Variants in AP1G2 observed in about 807,000 individuals in gnomAD.
AP1G2 encodes AP-1 complex subunit gamma-like 2.
Under a neutral mutation model 95.8 loss-of-function variants are expected in AP1G2, and 85 were observed. That is an observed-to-expected ratio of 0.89 (90% CI 0.74 to 1.06). The LOEUF (loss-of-function observed/expected upper bound fraction) is 1.06. Among genes scored for constraint, AP1G2 ranks in the 50% least tolerant of loss-of-function variants. The pLI is 0.00. For synonymous variants in AP1G2, 378 were observed against 400.0 expected, an observed-to-expected ratio of 0.94 and a Z score of 0.66; for missense variants, 967 against 1,005.8, an observed-to-expected ratio of 0.96 and a Z score of 0.52.
rs1386153572 is a variant in AP1G2 at position 23,567,205 on chromosome 14, G to A, written c.110C>T (p.Ala37Val). 6.2e-7 allele frequency: 1 copy of A among 1,612,694 alleles called. No homozygotes were observed. The highest frequency in any genetic ancestry group is 8.5e-7 in the Non-Finnish European group (1 of 1,179,356). The stretch of plus-strand genomic sequence containing the variant: ...CACTGGGTCCCCGTCGCGGAAGGAG[G>A]CCCGGATGTGGGCACACTCCTTTTG... Reference protein sequence around the residue: ...VIQKECAHIRASFRDGDPVHR... With the variant: ...VIQKECAHIRVSFRDGDPVHR... Residue 37 changes from alanine (A) to valine (V), a missense_variant, in exon 2 of 22, where the codon GCC (alanine) becomes GTC (valine). Transcript: ENST00000397120. The surrounding 1 kb of genome is among the most constrained non-coding windows in gnomAD (Gnocchi z 5.3).
At chr14:23,563,185 A>G (rs1241143900) in intron 14 of AP1G2, 195 bp downstream of exon 14, 5 of 1,434,762 alleles carry the variant, frequency 3.5e-6, no homozygotes, top group Non-Finnish European at 4.6e-6. Context: ...CTGTAGTTAC[A>G]TAACCAGGAG....
chr14:23,566,044 G>C lies in AP1G2; in HGVS notation c.568+20C>G, dbSNP rs1887762351. ...TGTCCATAGACCTGAAGCAAAGGATGGGGGGCCCCACAGCCTTACCATGGT... is the reference window on the plus strand; with the variant it reads ...TGTCCATAGACCTGAAGCAAAGGATCGGGGGCCCCACAGCCTTACCATGGT... On this transcript the variant is annotated intron_variant, in intron 5 of 21. Coordinates refer to ENST00000397120, the MANE Select transcript of AP1G2 (RefSeq NM_003917.5). 6.2e-7 allele frequency: 1 copy of C among 1,613,960 alleles called. No individual in the cohort carries two copies. The highest frequency in any genetic ancestry group is 1.3e-5 in the African/African-American group (1 of 74,910).
Position 23,564,659 on chromosome 14 carries a change from A to G in AP1G2, c.824T>C (p.Val275Ala), listed in dbSNP as rs779218998. Reference sequence around the variant, plus strand: ...TCGGCTGGTGTCCGTGTTAGTGGCCACCTGAGTGGATGAGAGAGGAGATGT... The same window carrying G: ...TCGGCTGGTGTCCGTGTTAGTGGCCGCCTGAGTGGATGAGAGAGGAGATGT... ...SETMNDLLAQ[V>A]ATNTDTSRNA... is the part of the protein sequence containing the mutation. Residue 275 changes from valine (V) to alanine (A), a missense_variant and splice_region_variant, in exon 9 of 22, where the codon GTG (valine) becomes GCG (alanine). By Grantham distance (64) the Val-to-Ala change is moderately conservative. Transcript: ENST00000397120. 1.9e-6 allele frequency: 3 copies of G among 1,613,618 alleles called. No individual in the cohort carries two copies. Among genetic ancestry groups the G allele is most frequent in the Admixed American group, 3.3e-5 (2 of 60,018 alleles).
chr14:23,563,051 C>T (rs547148978), intron 14 of AP1G2: 5 of 1,240,230 alleles, frequency 4.0e-6, no homozygotes, highest in Admixed American at 8.0e-5. Context: ...TAGATACTGG[C>T]TGGCATCTGT....
intron 9 of AP1G2, 27 bp from the exon 10 acceptor site, chr14:23,564,415 T>C: frequency 6.2e-7 from 1 of 1,613,812 alleles, no homozygotes; most frequent in South Asian, 1.1e-5. Flanking sequence ...TTGGGGTCAG[T>C]CGGAAAGGAG....
chr14:23,565,645 T>G lies in AP1G2; in HGVS notation c.702A>C (p.Thr234=). 1 of 1,614,194 alleles carries G rather than the reference T, an allele frequency of 6.2e-7. No individual in the cohort carries two copies. The highest frequency in any genetic ancestry group is 8.5e-7 in the Non-Finnish European group (1 of 1,180,022). The change falls in exon 7 of 22, where the codon ACA becomes ACC. Residue 234 remains threonine (T), a synonymous_variant. Coordinates refer to ENST00000397120, the MANE Select transcript of AP1G2 (RefSeq NM_003917.5). ...CGCTGACTCCAGATATGCTGTGTTC[T>G]GTGGAGTATCCCATTGTCACCAGAG... ...LRTLVTMGYS[T]EHSISGVSDP...
chr14:23,565,906 C>T lies in AP1G2; in HGVS notation c.569-14G>A, dbSNP rs759611686. ...CCAGCAGGATGCCTGGGGTCAGCGT[C>T]GGGGAAGTGAATGGTGGGGGCCAGG... On this transcript the variant is annotated splice_polypyrimidine_tract_variant and intron_variant, in intron 5 of 21. Transcript: ENST00000397120. The T allele has an allele frequency of 1.2e-5, 19 of 1,596,166 alleles. No homozygotes were observed. Among genetic ancestry groups the T allele is most frequent in the Admixed American group, 1.7e-5 (1 of 59,284 alleles).
chr14:23,565,307 T>C, intron 7 of AP1G2, 108 bp from the exon 8 acceptor site: 1 of 1,147,698 alleles, frequency 8.7e-7, no homozygotes, highest in Non-Finnish European at 1.3e-6. Context: ...CCCTAGAGCC[T>C]TCCCCCACCT....
chr14:23,563,577 G>A lies in AP1G2; in HGVS notation c.1287+7C>T. On this transcript the variant is annotated splice_region_variant and intron_variant, in intron 13 of 21. Coordinates refer to ENST00000397120, the MANE Select transcript of AP1G2 (RefSeq NM_003917.5). ...CTGCCCAGCTCTCTGACTGGCCCCT[G>A]CCTCACCGTTGTCAGCACATGCAGG... The A allele has an allele frequency of 6.2e-7, 1 of 1,614,242 alleles. No homozygotes were observed.
chr14:23,561,771 C>T (rs377252986), intron 17 of AP1G2, 136 bp from the exon 18 acceptor site: 1 of 1,469,832 alleles, frequency 6.8e-7, no homozygotes, highest in Non-Finnish European at 9.0e-7. Context: ...CCTAAAATGA[C>T]ATGTTGTTGC....
rs772788148 is a variant in AP1G2 at position 23,561,957 on chromosome 14, C to T, written c.1733+5G>A. 1 of 1,605,388 alleles carries T rather than the reference C, an allele frequency of 6.2e-7. No homozygotes were observed. The highest frequency in any genetic ancestry group is 1.3e-5 in the African/African-American group (1 of 74,626). ...TCCCATGCTGCAGCACAGTGCTGGACACACCTCATGTGGTCGTATTTCCGG... is the reference window on the plus strand; with the variant it reads ...TCCCATGCTGCAGCACAGTGCTGGATACACCTCATGTGGTCGTATTTCCGG... On this transcript the variant is annotated splice_donor_5th_base_variant and intron_variant, in intron 17 of 21. Transcript: ENST00000397120.
chr14:23,562,237 G>A (rs1430856214), intron 16 of AP1G2, 51 bp downstream of exon 16: 2 of 1,609,154 alleles, frequency 1.2e-6, no homozygotes, highest in African/African-American at 1.3e-5. Flanking sequence ...ACTCAAAAAT[G>A]GGTGGACCCA....
intron 16 of AP1G2, 42 bp from the exon 17 acceptor site, chr14:23,562,108 C>A (rs1406778099): frequency 1.2e-6 from 2 of 1,606,624 alleles, no homozygotes; most frequent in Non-Finnish European, 1.7e-6. Flanking sequence ...CAGTGTGCCA[C>A]TGCAGGATGT....
rs772370154 is a variant in AP1G2 at position 23,567,141 on chromosome 14, G to A, written c.174C>T (p.His58=). ...HRQLAKLLYV[H]MLGYPAHFGQ... ...CAAAGTGGGCGGGGTAGCCCAACATGTGGACGTAGAGCAGTTTGGCCAGCT... is the reference window on the plus strand; with the variant it reads ...CAAAGTGGGCGGGGTAGCCCAACATATGGACGTAGAGCAGTTTGGCCAGCT... Residue 58 remains histidine, a synonymous_variant, in exon 2 of 22, where the codon CAC becomes CAT. Coordinates refer to ENST00000397120, the MANE Select transcript of AP1G2 (RefSeq NM_003917.5). The surrounding 1 kb of genome is among the most constrained non-coding windows in gnomAD (Gnocchi z 5.3). 2 of 1,611,924 alleles carry A rather than the reference G, an allele frequency of 1.2e-6. No individual in the cohort carries two copies. The highest frequency in any genetic ancestry group is 1.1e-5 in the South Asian group (1 of 90,898).
At chr14:23,566,539 A>G (rs371857782) in intron 3 of AP1G2, 23 bp downstream of exon 3, 1 of 1,613,270 alleles carries the variant, frequency 6.2e-7, no homozygotes, top group South Asian at 1.1e-5. Flanking sequence ...CCTGATTCCA[A>G]GTGATTGCCA....
At chr14:23,565,414 CTG>C in intron 7 of AP1G2, 190 bp downstream of exon 7, 1 of 714,616 alleles carries the variant, frequency 1.4e-6, no homozygotes, top group Non-Finnish European at 2.3e-6. Flanking sequence ...TGTTAACAAA[CTG>C]TATTTTCCTG....
At chr14:23,562,746 TAA>T (rs879795263) in intron 14 of AP1G2, 153 bp from the exon 15 acceptor site, 37 of 558,056 alleles carry the variant, frequency 6.6e-5, no homozygotes, top group Admixed American at 1.1e-4. Context: ...ATCTCTATTT[TAA>T]AAAAAAAAAG....
At chr14:23,561,177 TG>T in intron 19 of AP1G2, 118 bp downstream of exon 19, 2 of 1,430,990 alleles carry the variant, frequency 1.4e-6, no homozygotes, top group Non-Finnish European at 1.8e-6. Flanking sequence ...GAGATGGCGA[TG>T]GGATGGGGGA....
Position 23,565,146 on chromosome 14 carries a change from A to G in AP1G2, c.795T>C (p.Ser265=). 1 of 1,614,074 alleles carries G rather than the reference A, an allele frequency of 6.2e-7. No individual in the cohort carries two copies. The highest frequency in any genetic ancestry group is 8.5e-7 in the Non-Finnish European group (1 of 1,179,912). The change falls in exon 8 of 22, where the codon AGT becomes AGC. Residue 265 remains serine, a synonymous_variant. Transcript: ENST00000397120. ...GGGCCAGCAAGTCATTCATGGTCTCACTGCTCTCCTCGTGGTTCCGGCCCA... is the reference window on the plus strand; with the variant it reads ...GGGCCAGCAAGTCATTCATGGTCTCGCTGCTCTCCTCGTGGTTCCGGCCCA... The part of the protein sequence containing the change: ...RILGRNHEES[S]ETMNDLLAQV...
Sources: gnomAD v4.1 joint callset for allele counts on GRCh38, gnomAD v4.1.1 for gene constraint, Gnocchi (gnomAD v3.1) non-coding constraint, MANE v1.5 for transcripts, NCBI Gene and HGNC (gene_info 2026-07-23, HGNC 2026-07-21) for gene names.